ELOVL7: variants seen among roughly 807,000 people sequenced by gnomAD.
ELOVL7 encodes very long chain fatty acid elongase 7.
ELOVL7 carries 27 observed loss-of-function variants against 35.7 expected under a neutral mutation model. The ratio of observed to expected loss-of-function variants is 0.76; its 90% CI spans 0.56 to 1.04. The LOEUF (loss-of-function observed/expected upper bound fraction) is 1.04. Among genes scored for constraint, ELOVL7 ranks in the 50% least tolerant of loss-of-function variants. ELOVL7 has a pLI of 0.00. For missense variants in ELOVL7, 327 were observed against 340.8 expected (o/e 0.96, Z 0.32); for synonymous variants, 113 against 114.6 (o/e 0.99, Z 0.09).
At chr5:60,763,747 A>C (rs968182092) in intron 7 of ELOVL7, among the ~76,000 whole-genome samples, 1 of 152,296 alleles carries the variant, frequency 6.6e-6, no homozygotes, top group East Asian at 1.9e-4. Flanking sequence ...TGGGGTAACC[A>C]CAATTTGACA....
At chr5:60,762,873 C>T (rs1392214614) in intron 7 of ELOVL7, among the ~76,000 whole-genome samples, 1 of 152,066 alleles carries the variant, frequency 6.6e-6, no homozygotes, top group Non-Finnish European at 1.5e-5. Flanking sequence ...GTAATAATAA[C>T]CACTCTATTA....
chr5:60,809,548 C>A (rs1389631455), intron 1 of ELOVL7, among the ~76,000 whole-genome samples: 5 of 152,252 alleles, frequency 3.3e-5, no homozygotes, highest in African/African-American at 1.2e-4. Flanking sequence ...CTTTCTATGA[C>A]CCAGTTACTC....
rs1262764501 is a variant in ELOVL7 at position 60,754,730 on chromosome 5, A to G, written c.740T>C (p.Phe247Ser). 1.2e-6 allele frequency: 2 copies of G among 1,614,086 alleles called. No homozygotes were observed. Among genetic ancestry groups the G allele is most frequent in the Admixed American group, 3.3e-5 (2 of 60,014 alleles). ...ATGGAGAAAGAGCAGCAGAAACATGAAACTGTAACTCATAATGATGCACGC... is the reference window on the plus strand; with the variant it reads ...ATGGAGAAAGAGCAGCAGAAACATGGAACTGTAACTCATAATGATGCACGC... ...VFACIIMSYS[F>S]MFLLLFLHFW... Residue 247 changes from phenylalanine (F) to serine (S), a missense_variant, in exon 9 of 9, where the codon TTC (phenylalanine) becomes TCC (serine). Physicochemically the swap from Phe to Ser is radical, Grantham distance 155. Coordinates refer to ENST00000508821, the MANE Select transcript of ELOVL7 (RefSeq NM_024930.3).
rs113438163 is a variant in ELOVL7 at position 60,758,770 on chromosome 5, C to T, written c.500-1125G>A. Among the ~76,000 whole-genome samples, 249 of 152,244 alleles carry T rather than the reference C, an allele frequency of 1.6e-3. 2 individuals carry two copies. The highest frequency in any genetic ancestry group is 5.8e-3 in the African/African-American group (241 of 41,546). ...TCTCCCTGGGGTCCGTTTCCTAAGA[C>T]GACAATCTGGAAGAATATGTGTTCT... is the stretch of plus-strand genomic sequence containing the variant. On this transcript the variant is annotated intron_variant, in intron 7 of 8. Transcript: ENST00000508821.
At position 60,754,048 on chromosome 5, in the gene ELOVL7, T is replaced by C. The variant is rs1414985179; in HGVS notation, c.*576A>G. ...TGGTGATGGCTACTGAAAAGATCCA[T>C]TGAAAATTATCATTAATGATTTTAA... On this transcript the variant is annotated 3_prime_UTR_variant, in exon 9 of 9. Coordinates refer to ENST00000508821, the MANE Select transcript of ELOVL7 (RefSeq NM_024930.3). 2 of 152,524 alleles carry C rather than the reference T, an allele frequency of 1.3e-5. No homozygotes were observed. The highest frequency in any genetic ancestry group is 2.4e-5 in the African/African-American group (1 of 41,460). 9.4% of individuals were successfully genotyped at this position (152,524 alleles called of 1,614,324 possible).
chr5:60,798,554 A>G (rs1308659403), intron 2 of ELOVL7, among the ~76,000 whole-genome samples: 3 of 152,222 alleles, frequency 2.0e-5, no homozygotes, highest in African/African-American at 7.2e-5. Flanking sequence ...AAGCTGTAAA[A>G]AAAATTATTT....
At chr5:60,768,434 G>A (rs1742375725) in intron 4 of ELOVL7, among the ~76,000 whole-genome samples, 2 of 152,148 alleles carry the variant, frequency 1.3e-5, no homozygotes, top group South Asian at 4.1e-4. Context: ...TGTGATGTGA[G>A]GTGGTAGTCC....
intron 1 of ELOVL7, among the ~76,000 whole-genome samples, chr5:60,800,473 A>C (rs1021867018): frequency 1.3e-5 from 2 of 152,334 alleles, no homozygotes; most frequent in African/African-American, 4.8e-5. Flanking sequence ...TTTAGAAGAA[A>C]CCTCAAAACA....
intron 1 of ELOVL7, among the ~76,000 whole-genome samples, chr5:60,804,151 T>TA (rs747423094): frequency 1.1e-4 from 17 of 152,172 alleles, no homozygotes; most frequent in Non-Finnish European, 1.9e-4. Context: ...AAGCCAATGA[T>TA]ATAGCAACAG....
chr5:60,784,894 T>C (rs1349252861), intron 3 of ELOVL7, among the ~76,000 whole-genome samples: 2 of 152,218 alleles, frequency 1.3e-5, no homozygotes, highest in South Asian at 2.1e-4. Context: ...ATATGCTATA[T>C]GAAGAGAATT....
intron 1 of ELOVL7, among the ~76,000 whole-genome samples, chr5:60,802,921 C>T (rs1004678321): frequency 3.3e-5 from 5 of 152,124 alleles, no homozygotes; most frequent in Admixed American, 1.3e-4. Flanking sequence ...AAAGATATGG[C>T]AGTTCTCCTG....
intron 1 of ELOVL7, among the ~76,000 whole-genome samples, chr5:60,832,087 G>A (rs1447666857): frequency 2.6e-5 from 4 of 152,158 alleles, no homozygotes; most frequent in Non-Finnish European, 5.9e-5. Flanking sequence ...CTAAGGCAAC[G>A]TGTAGTAAGC....
intron 1 of ELOVL7, among the ~76,000 whole-genome samples, chr5:60,813,929 A>G (rs917829702): frequency 1.3e-5 from 2 of 152,186 alleles, no homozygotes; most frequent in Non-Finnish European, 2.9e-5. Context: ...TGTGACCACC[A>G]TGTATGAGAT....
At chr5:60,764,132 TGA>T in intron 7 of ELOVL7, 93 bp downstream of exon 7, 2 of 788,798 alleles carry the variant, frequency 2.5e-6, no homozygotes. Flanking sequence ...TTGATTTTTT[TGA>T]GTTTCTTATA....
rs528757648 is a variant in ELOVL7 at position 60,751,855 on chromosome 5, C to T, written c.*2769G>A. 7.1e-4 allele frequency: 108 copies of T among 152,178 alleles called. No homozygotes were observed. The highest frequency in any genetic ancestry group is 2.6e-3 in the African/African-American group (107 of 41,534). 9.4% of individuals were successfully genotyped at this position (152,178 alleles called of 1,614,324 possible). A position where few individuals can be genotyped will look rare whatever the true frequency, so the allele number is the denominator to read the frequency against. On this transcript the variant is annotated 3_prime_UTR_variant, in exon 9 of 9. Transcript: ENST00000508821. The stretch of plus-strand genomic sequence containing the variant: ...AAACAAACTCAAACTTTGACAACAT[C>T]CACAGAATGTTCCAGTCTTTAAAAA...
intron 1 of ELOVL7, among the ~76,000 whole-genome samples, chr5:60,816,561 T>C (rs944512468): frequency 6.6e-6 from 1 of 152,168 alleles, no homozygotes; most frequent in Non-Finnish European, 1.5e-5. Flanking sequence ...TCTAGCCAAA[T>C]AGGCCAAATT....
At chr5:60,790,909 A>T (rs960544634) in intron 2 of ELOVL7, among the ~76,000 whole-genome samples, 4 of 152,278 alleles carry the variant, frequency 2.6e-5, no homozygotes, top group East Asian at 3.9e-4. Flanking sequence ...CTGATTTTTT[A>T]AAATGAGCAT....
intron 3 of ELOVL7, among the ~76,000 whole-genome samples, chr5:60,776,878 T>A (rs1199540170): frequency 6.6e-6 from 1 of 152,200 alleles, no homozygotes; most frequent in East Asian, 1.9e-4. Context: ...ATAAAAATTT[T>A]AAAAACAGGT....
chr5:60,795,709 A>C (rs950178210), intron 2 of ELOVL7, among the ~76,000 whole-genome samples: 2 of 152,172 alleles, frequency 1.3e-5, no homozygotes, highest in Non-Finnish European at 2.9e-5. Flanking sequence ...TGATCCAGTG[A>C]GGCGCCCATT....
Sources: allele counts gnomAD v4.1 joint callset (sites outside exome capture counted in the v4.1 genomes callset), GRCh38; gene constraint gnomAD v4.1.1; transcripts MANE v1.5; gene names NCBI Gene and HGNC (gene_info 2026-07-23, HGNC 2026-07-21).